Variants in RIF1 observed in about 807,000 individuals in gnomAD.
RIF1 encodes replication timing regulatory factor 1.
In RIF1, 45 loss-of-function variants were observed where a neutral mutation model predicts 247.1. That is an observed-to-expected ratio of 0.18 (90% CI 0.14 to 0.23). RIF1 has a LOEUF of 0.23. Among genes scored for constraint, RIF1 ranks in the 10% least tolerant of loss-of-function variants. The probability of loss-of-function intolerance (pLI) is 1.00; values close to 1 mark genes in which losing one functional copy is unlikely to be tolerated. For synonymous variants in RIF1, 1,087 were observed against 978.8 expected, an observed-to-expected ratio of 1.11 and a Z score of -2.06; for missense variants, 2,967 against 2,862.5, an observed-to-expected ratio of 1.04 and a Z score of -0.83.
chr2:151,468,162 T>A lies in RIF1; in HGVS notation c.6747+16T>A. 1 of 1,589,026 alleles carries A rather than the reference T, an allele frequency of 6.3e-7. No homozygotes were observed. Among genetic ancestry groups the A allele is most frequent in the Non-Finnish European group, 8.6e-7 (1 of 1,162,630 alleles). On this transcript the variant is annotated intron_variant, in intron 31 of 35. Coordinates refer to ENST00000444746, the MANE Select transcript of RIF1 (RefSeq NM_018151.5). ...ACAATCTAAGGTAAGCTATAGGCTT[T>A]AAAATATACATATATGTATACCGAC...
intron 9 of RIF1, among the ~76,000 whole-genome samples, chr2:151,430,462 C>T (rs1000091357): frequency 1.3e-5 from 2 of 152,072 alleles, no homozygotes; most frequent in Non-Finnish European, 2.9e-5. Flanking sequence ...GCTGGGATGA[C>T]AGGCGCCCGC....
chr2:151,431,106 A>G (rs540728681), intron 9 of RIF1, among the ~76,000 whole-genome samples: 1 of 152,322 alleles, frequency 6.6e-6, no homozygotes, highest in South Asian at 2.1e-4. Context: ...TAGTTTAAAG[A>G]TAGTAAGTTA....
At chr2:151,522,613 C>T in the RIF1 span, among the ~76,000 whole-genome samples, 5 of 152,164 alleles carry the variant, frequency 3.3e-5, no homozygotes, top group East Asian at 1.9e-4. Context: ...GCAATCTACA[C>T]GTTCCAACAC....
At chr2:151,458,295 C>T (rs1157705088) in intron 24 of RIF1, among the ~76,000 whole-genome samples, 1 of 133,194 alleles carries the variant, frequency 7.5e-6, no homozygotes, top group East Asian at 2.3e-4. Flanking sequence ...TGCAGTGGTG[C>T]GATCTGGGCT....
chr2:151,469,391 T>C (rs1323299665), intron 33 of RIF1, among the ~76,000 whole-genome samples: 1 of 152,152 alleles, frequency 6.6e-6, no homozygotes. Context: ...TGCAGTAATA[T>C]GTATCAGACA....
chr2:151,521,478 TC>T, the RIF1 span, among the ~76,000 whole-genome samples: 5 of 152,208 alleles, frequency 3.3e-5, no homozygotes, highest in Admixed American at 2.0e-4. Context: ...AGGCAACTTT[TC>T]CTAAGAGATA....
At position 151,464,499 on chromosome 2, in the gene RIF1, C is replaced by T; in HGVS notation, c.4979C>T (p.Ala1660Val). ...GAAAAAAATGAAACTAGCAAATATG[C>T]AGAATATTCCTTTACAAGTCTACCT... ...CEEKNETSKY[A>V]EYSFTSLPVP... is the part of the protein sequence containing the mutation. Residue 1660 changes from alanine (A) to valine (V), a missense_variant, in exon 30 of 36, where the codon GCA (alanine) becomes GTA (valine). Ala to Val is a moderately conservative substitution (Grantham distance 64). Transcript: ENST00000444746. The T allele has an allele frequency of 1.2e-6, 2 of 1,611,860 alleles. No individual in the cohort carries two copies. Among genetic ancestry groups the T allele is most frequent in the Non-Finnish European group, 1.7e-6 (2 of 1,179,430 alleles).
intron 34 of RIF1, among the ~76,000 whole-genome samples, chr2:151,472,803 G>A (rs1170086566): frequency 6.6e-6 from 1 of 152,178 alleles, no homozygotes; most frequent in African/African-American, 2.4e-5. Context: ...TTGCATCAAT[G>A]TTCATCAAGG....
At chr2:151,510,585 GGA>G (rs571809291), downstream of RIF1, among the ~76,000 whole-genome samples, 2 of 152,156 alleles carry the variant, frequency 1.3e-5, no homozygotes, top group South Asian at 2.1e-4. Flanking sequence ...ATATTCTGAG[GGA>G]GAGAGAGAGA....
downstream of RIF1, chr2:151,485,625 G>T: frequency 1.3e-6 from 1 of 749,094 alleles, no homozygotes; most frequent in Non-Finnish European, 2.0e-6. Context: ...GAGAAAGGAT[G>T]GTACTACCAT....
At chr2:151,494,307 C>A in intron 9 of RIF1, 1 of 1,220,434 alleles carries the variant, frequency 8.2e-7, no homozygotes, top group South Asian at 1.4e-5. Context: ...TTAACAGTTA[C>A]CAAAAAAGGA....
chr2:151,518,373 A>T, the RIF1 span: 1 of 1,612,596 alleles, frequency 6.2e-7, no homozygotes, highest in South Asian at 1.1e-5. Context: ...ATTATCGGGT[A>T]TGGTGTGGTA....
the RIF1 span, among the ~76,000 whole-genome samples, chr2:151,513,301 G>A: frequency 1.9e-4 from 29 of 152,298 alleles, no homozygotes; most frequent in African/African-American, 6.5e-4. Context: ...AGGCCAAGAT[G>A]TCGAGTTTGC....
At position 151,463,708 on chromosome 2, in the gene RIF1, T is replaced by A. The variant is rs1290395496; in HGVS notation, c.4188T>A (p.Asp1396Glu). Residue 1396 changes from aspartate to glutamate, a missense_variant, in exon 30 of 36, where the codon GAT (aspartate) becomes GAA (glutamate). By Grantham distance (45) the Asp-to-Glu change is conservative. Coordinates refer to ENST00000444746, the MANE Select transcript of RIF1 (RefSeq NM_018151.5). ...CACCCCCAGTAGTAATATCAGCAGA[T>A]CAAATGGTAAATGAGGATAGTCAGG... ...ENTPPVVISA[D>E]QMVNEDSQVQ... 5 of 1,613,904 alleles carry A rather than the reference T, an allele frequency of 3.1e-6. No homozygotes were observed. In the South Asian group the frequency reaches 5.5e-5, roughly 18 times the overall value.
chr2:151,522,476 C>T, the RIF1 span, among the ~76,000 whole-genome samples: 1 of 152,200 alleles, frequency 6.6e-6, no homozygotes, highest in Non-Finnish European at 1.5e-5. Context: ...CTAACATACA[C>T]ATACATTAGG....
the RIF1 span, chr2:151,533,422 C>T: frequency 6.7e-7 from 1 of 1,497,420 alleles, no homozygotes; most frequent in Non-Finnish European, 9.1e-7. Context: ...CCTCCTTCTT[C>T]ACATCCCATC....
chr2:151,499,885 C>T (rs2153034541), intron 11 of RIF1, among the ~76,000 whole-genome samples: 1 of 152,244 alleles, frequency 6.6e-6, no homozygotes, highest in Admixed American at 6.5e-5. Context: ...CTATTTTCCA[C>T]AGTATCTAAT....
the RIF1 span, among the ~76,000 whole-genome samples, chr2:151,523,350 T>C: frequency 4.7e-4 from 71 of 152,386 alleles, no homozygotes; most frequent in East Asian, 0.012. Context: ...TAACTTGTTC[T>C]GTCACTTGAC....
rs761819426 is a variant in RIF1 at position 151,469,729 on chromosome 2, A to G, written c.6960A>G (p.Gln2320=). 30 of 1,591,764 alleles carry G rather than the reference A, an allele frequency of 1.9e-5. No individual in the cohort carries two copies. Among genetic ancestry groups the G allele is most frequent in the East Asian group, 6.8e-5 (3 of 44,416 alleles). ...TSNMWARGLG[Q]LIRAKNIKTI... ...TGTTTAGGGCAAGAGGCCTGGGACAACTCATTAGAGCTAAGAATATAAAAA... is the reference window on the plus strand; with the variant it reads ...TGTTTAGGGCAAGAGGCCTGGGACAGCTCATTAGAGCTAAGAATATAAAAA... The change falls in exon 34 of 36, where the codon CAA becomes CAG. Residue 2320 remains glutamine (Q), a synonymous_variant. Transcript: ENST00000444746.
Sources: gnomAD v4.1 joint callset for allele counts (sites outside exome capture counted in the v4.1 genomes callset) on GRCh38, gnomAD v4.1.1 for gene constraint, MANE v1.5 for transcripts, NCBI Gene and HGNC (gene_info 2026-07-23, HGNC 2026-07-21) for gene names.